Variants in CYP39A1 observed in about 807,000 individuals in gnomAD.
CYP39A1 encodes cytochrome P450 family 39 subfamily A member 1, also known as 24-hydroxycholesterol 7-alpha-hydroxylase.
CYP39A1 carries 49 observed loss-of-function variants against 58.1 expected under a neutral mutation model. That is an observed-to-expected ratio of 0.84 (90% CI 0.67 to 1.07). CYP39A1 has a LOEUF of 1.07. Ranked by LOEUF, CYP39A1 falls within the 50% of genes least tolerant of loss-of-function variation. CYP39A1 has a pLI of 0.00. For missense variants in CYP39A1, 531 were observed against 539.4 expected (o/e 0.98, Z 0.16); for synonymous variants, 209 against 187.6 (o/e 1.11, Z -0.93).
chr6:46,631,120 C>A, intron 5 of CYP39A1, 50 bp from the exon 6 acceptor site: 1 of 1,323,808 alleles, frequency 7.6e-7, no homozygotes, highest in South Asian at 1.2e-5. Flanking sequence ...TGACAAATAT[C>A]GATGTTAATA....
intron 8 of CYP39A1, among the ~76,000 whole-genome samples, chr6:46,588,611 G>C (rs546754273): frequency 4.5e-4 from 68 of 152,246 alleles, no homozygotes; most frequent in Non-Finnish European, 7.6e-4. Context: ...ACTGAGAAGA[G>C]GGGCAGAGGA....
chr6:46,581,270 G>A (rs1772117821), intron 10 of CYP39A1, among the ~76,000 whole-genome samples: 1 of 152,036 alleles, frequency 6.6e-6, no homozygotes, highest in South Asian at 2.1e-4. Flanking sequence ...AATTAGCTGG[G>A]CACTATGGCA....
In CYP39A1 at chr6:46,550,356, C is replaced by G. The variant is rs1351642807; in HGVS notation, c.*10G>C. Reference sequence around the variant, plus strand: ...CAGAAGGCCCTGGTCCTTGTGAGGCCCAACAGATGTCATATTCTTTGTTTA... The same window carrying G: ...CAGAAGGCCCTGGTCCTTGTGAGGCGCAACAGATGTCATATTCTTTGTTTA... On this transcript the variant is annotated 3_prime_UTR_variant, in exon 12 of 12. Transcript: ENST00000275016. 1.2e-6 allele frequency: 2 copies of G among 1,611,610 alleles called. No individual in the cohort carries two copies. The highest frequency in any genetic ancestry group is 8.5e-7 in the Non-Finnish European group (1 of 1,178,828).
At chr6:46,650,111 TACACACACACAC>T (rs3085603) in intron 1 of CYP39A1, among the ~76,000 whole-genome samples, 7 of 146,944 alleles carry the variant, frequency 4.8e-5, no homozygotes, top group African/African-American at 1.0e-4. Flanking sequence ...TTACTACATT[TACACACACACAC>T]ACACACACAC....
intron 6 of CYP39A1, among the ~76,000 whole-genome samples, chr6:46,627,417 TA>T: frequency 1.4e-5 from 1 of 70,734 alleles, no homozygotes; most frequent in Non-Finnish European, 2.4e-5. Flanking sequence ...TACTTTTATT[TA>T]TTTATTTTTT....
At chr6:46,643,645 G>C (rs1203795754) in intron 1 of CYP39A1, among the ~76,000 whole-genome samples, 4 of 152,196 alleles carry the variant, frequency 2.6e-5, no homozygotes, top group Non-Finnish European at 4.4e-5. Flanking sequence ...CACAAGTGTA[G>C]ACTAACCACA....
chr6:46,619,793 T>A (rs939486643), intron 7 of CYP39A1, among the ~76,000 whole-genome samples: 2 of 152,168 alleles, frequency 1.3e-5, no homozygotes, highest in Non-Finnish European at 2.9e-5. Flanking sequence ...CATGGACTGT[T>A]ACTTTACTCA....
At chr6:46,554,160 A>C (rs910589161) in intron 10 of CYP39A1, among the ~76,000 whole-genome samples, 2 of 152,156 alleles carry the variant, frequency 1.3e-5, no homozygotes, top group African/African-American at 4.8e-5. Flanking sequence ...TAGCCATTAG[A>C]TACAAGTGGC....
intron 10 of CYP39A1, among the ~76,000 whole-genome samples, chr6:46,582,360 G>T (rs1191215011): frequency 6.6e-6 from 1 of 152,014 alleles, no homozygotes; most frequent in African/African-American, 2.4e-5. Context: ...ACTATATAAG[G>T]CACAGCTTTT....
chr6:46,609,141 C>A (rs1774039350), intron 7 of CYP39A1, among the ~76,000 whole-genome samples: 1 of 152,032 alleles, frequency 6.6e-6, no homozygotes, highest in South Asian at 2.1e-4. Context: ...TGGGCTCACG[C>A]CTGTAATCCC....
chr6:46,593,515 G>T (rs1772967004), intron 8 of CYP39A1, among the ~76,000 whole-genome samples: 1 of 151,888 alleles, frequency 6.6e-6, no homozygotes, highest in Non-Finnish European at 1.5e-5. Context: ...ATAAATAAAA[G>T]TATGAACTGT....
At chr6:46,563,728 T>G (rs1376083962) in intron 10 of CYP39A1, among the ~76,000 whole-genome samples, 2 of 152,126 alleles carry the variant, frequency 1.3e-5, no homozygotes, top group Non-Finnish European at 2.9e-5. Flanking sequence ...AACCTTTAAA[T>G]AAGTAGACTT....
chr6:46,557,933 C>CAAAAAAAAAA (rs1186594398), intron 10 of CYP39A1, among the ~76,000 whole-genome samples: 23 of 37,588 alleles, frequency 6.1e-4, no homozygotes, highest in African/African-American at 1.3e-3. Flanking sequence ...GACTCCATCT[C>CAAAAAAAAAA]AAAAAAAAAA....
chr6:46,606,878 A>G (rs919467637), intron 7 of CYP39A1, among the ~76,000 whole-genome samples: 3 of 152,220 alleles, frequency 2.0e-5, no homozygotes, highest in Non-Finnish European at 4.4e-5. Flanking sequence ...AATTTGCTCC[A>G]TATCTGTTAT....
chr6:46,561,964 G>A (rs1178637595), intron 10 of CYP39A1, among the ~76,000 whole-genome samples: 2 of 152,154 alleles, frequency 1.3e-5, no homozygotes, highest in African/African-American at 4.8e-5. Flanking sequence ...TCAATATACT[G>A]ATTGTATATC....
Position 46,652,447 on chromosome 6 carries a change from C to A in CYP39A1, c.136G>T (p.Gly46Trp). Residue 46 changes from glycine (G) to tryptophan (W), a missense_variant, in exon 1 of 12, where the codon GGG becomes TGG. By Grantham distance (184) the Gly-to-Trp change is radical. Coordinates refer to ENST00000275016, the MANE Select transcript of CYP39A1 (RefSeq NM_016593.5). ...TCTATAAATTCTAGAGGGGCTTTCC[C>A]AAACTCAAATCCAACTCCAATCCAA... Reference protein sequence around the residue: ...IPWIGVGFEFGKAPLEFIEKA... With the variant: ...IPWIGVGFEFWKAPLEFIEKA... 1 of 1,613,794 alleles carries A rather than the reference C, an allele frequency of 6.2e-7. No individual in the cohort carries two copies. Among genetic ancestry groups the A allele is most frequent in the East Asian group, 2.2e-5 (1 of 44,866 alleles).
At chr6:46,584,910 T>A (rs1358138087) in intron 10 of CYP39A1, among the ~76,000 whole-genome samples, 2 of 152,136 alleles carry the variant, frequency 1.3e-5, no homozygotes, top group Non-Finnish European at 2.9e-5. Flanking sequence ...CAGTTATTTA[T>A]TAATTGAATG....
At chr6:46,578,647 GA>G (rs766059687) in intron 10 of CYP39A1, among the ~76,000 whole-genome samples, 17 of 151,942 alleles carry the variant, frequency 1.1e-4, no homozygotes, top group Non-Finnish European at 2.5e-4. Flanking sequence ...AAAACCCTCA[GA>G]GAGTATTATG....
intron 10 of CYP39A1, among the ~76,000 whole-genome samples, chr6:46,557,097 G>A (rs1242649339): frequency 1.3e-5 from 2 of 151,798 alleles, no homozygotes; most frequent in Non-Finnish European, 2.9e-5. Flanking sequence ...GTAAAATGCT[G>A]CCAAAGAAAA....
Sources: allele counts gnomAD v4.1 joint callset (sites outside exome capture counted in the v4.1 genomes callset), GRCh38; gene constraint gnomAD v4.1.1; transcripts MANE v1.5; gene names NCBI Gene and HGNC (gene_info 2026-07-23, HGNC 2026-07-21).